The following ZNF722 variants were observed in gnomAD, a reference collection of about 807,000 sequenced individuals.
ZNF722 encodes the protein zinc finger protein 722.
the ZNF722 span, chr7:64,015,730 A>G: frequency 3.7e-6 from 6 of 1,613,808 alleles, no homozygotes; most frequent in Non-Finnish European, 5.1e-6. Flanking sequence ...CATACTGGAG[A>G]GAAACCCTAC....
chr7:64,009,590 G>C, the ZNF722 span, among the ~76,000 whole-genome samples: 1 of 152,196 alleles, frequency 6.6e-6, no homozygotes, highest in African/African-American at 2.4e-5. Flanking sequence ...CAGAGATGAA[G>C]CTGACTTGAT....
chr7:64,015,973 G>GA, the ZNF722 span: 72 of 1,082,984 alleles, frequency 6.6e-5, no homozygotes, highest in Middle Eastern at 4.2e-4. Context: ...ATTTATGCTG[G>GA]AAAAAAACAC....
At chr7:64,014,615 C>G in the ZNF722 span, among the ~76,000 whole-genome samples, 1 of 152,046 alleles carries the variant, frequency 6.6e-6, no homozygotes, top group Non-Finnish European at 1.5e-5. Context: ...TATTACTGGT[C>G]AATAACTACT....
At chr7:64,003,687 G>T in the ZNF722 span, among the ~76,000 whole-genome samples, 1 of 151,962 alleles carries the variant, frequency 6.6e-6, no homozygotes. Flanking sequence ...TTTTCTATAT[G>T]CCATGGTGTT....
the ZNF722 span, among the ~76,000 whole-genome samples, chr7:64,007,139 TTTGTA>T: frequency 8.6e-5 from 13 of 151,222 alleles, no homozygotes; most frequent in African/African-American, 3.2e-4. Flanking sequence ...GTAATTTTGT[TTTGTA>T]TTGTGATTTT....
At chr7:64,011,312 G>C in the ZNF722 span, among the ~76,000 whole-genome samples, 1 of 152,054 alleles carries the variant, frequency 6.6e-6, no homozygotes, top group Non-Finnish European at 1.5e-5. Context: ...TGGTTATTTT[G>C]CCTGTTAGTT....
chr7:64,006,751 C>G, the ZNF722 span, among the ~76,000 whole-genome samples: 1 of 151,782 alleles, frequency 6.6e-6, no homozygotes, highest in Non-Finnish European at 1.5e-5. Context: ...TCTACACAGG[C>G]CATTCTGTTT....
chr7:64,012,755 GC>G, the ZNF722 span, among the ~76,000 whole-genome samples: 6 of 151,596 alleles, frequency 4.0e-5, no homozygotes, highest in African/African-American at 1.2e-4. Context: ...TGGTGTAGAT[GC>G]CCTCCAAATC....
chr7:64,004,213 C>T, the ZNF722 span, among the ~76,000 whole-genome samples: 2 of 148,082 alleles, frequency 1.4e-5, no homozygotes, highest in Non-Finnish European at 3.0e-5. Flanking sequence ...CCAGACTGGC[C>T]AACATGGTAA....
At chr7:64,002,345 G>C in the ZNF722 span, among the ~76,000 whole-genome samples, 2 of 152,094 alleles carry the variant, frequency 1.3e-5, no homozygotes, top group Non-Finnish European at 2.9e-5. Flanking sequence ...GATGTTTAGT[G>C]ACATACATTT....
At chr7:64,018,031 T>C in the ZNF722 span, among the ~76,000 whole-genome samples, 2 of 152,208 alleles carry the variant, frequency 1.3e-5, no homozygotes, top group Non-Finnish European at 2.9e-5. Flanking sequence ...TAAAATGCAA[T>C]AAATTTAACT....
the ZNF722 span, among the ~76,000 whole-genome samples, chr7:64,001,538 G>A: frequency 5.3e-5 from 8 of 152,094 alleles, no homozygotes; most frequent in East Asian, 1.9e-4. Flanking sequence ...ATTGTGAATC[G>A]TGCTGTAATA....
the ZNF722 span, chr7:64,015,051 G>C: frequency 3.0e-6 from 4 of 1,347,946 alleles, no homozygotes; most frequent in Non-Finnish European, 4.2e-6. Context: ...TTTCACCCAA[G>C]ACCTTCATCC....
chr7:64,003,335 A>G, the ZNF722 span, among the ~76,000 whole-genome samples: 8 of 152,106 alleles, frequency 5.3e-5, no homozygotes, highest in South Asian at 2.1e-4. Flanking sequence ...AAATGGGTGA[A>G]TGTTTTCTGC....
chr7:64,014,324 T>C, the ZNF722 span, among the ~76,000 whole-genome samples: 7 of 152,226 alleles, frequency 4.6e-5, no homozygotes, highest in African/African-American at 1.4e-4. Context: ...TAAAAATTAA[T>C]ATATACATCT....
the ZNF722 span, among the ~76,000 whole-genome samples, chr7:64,000,864 G>A: frequency 1.2e-3 from 178 of 152,030 alleles, no homozygotes; most frequent in African/African-American, 4.1e-3. Flanking sequence ...TACAACCTCC[G>A]TGTCCCGGGT....
chr7:64,011,863 C>T, the ZNF722 span, among the ~76,000 whole-genome samples: 1 of 152,194 alleles, frequency 6.6e-6, no homozygotes, highest in Non-Finnish European at 1.5e-5. Flanking sequence ...TGCTTCCATT[C>T]TCCCTGTCAC....
the ZNF722 span, among the ~76,000 whole-genome samples, chr7:64,013,143 T>G: frequency 1.3e-5 from 2 of 152,176 alleles, no homozygotes; most frequent in African/African-American, 2.4e-5. Context: ...CAAAATGAAT[T>G]CATACACAGT....
the ZNF722 span, among the ~76,000 whole-genome samples, chr7:64,004,915 GC>G: frequency 1.4e-4 from 21 of 152,216 alleles, no homozygotes; most frequent in South Asian, 1.5e-3. Flanking sequence ...AACAAAATCT[GC>G]ACAAGATGTT....
Sources: gnomAD v4.1 joint callset for allele counts (sites outside exome capture counted in the v4.1 genomes callset) on GRCh38, gnomAD v4.1.1 for gene constraint, MANE v1.5 for transcripts, NCBI Gene and HGNC (gene_info 2026-07-23, HGNC 2026-07-21) for gene names.